The following ATG7 variants were observed in gnomAD, a reference collection of about 807,000 sequenced individuals.
ATG7 encodes autophagy related 7, also known as ubiquitin-like modifier-activating enzyme ATG7.
In ATG7, 70 loss-of-function variants were observed where a neutral mutation model predicts 82.4. The observed-to-expected ratio is 0.85, with a 90% CI of 0.70 to 1.04. The LOEUF is 1.04. Among genes scored for constraint, ATG7 ranks in the 50% least tolerant of loss-of-function variants. The pLI is 0.00. For missense variants in ATG7, 792 were observed against 864.3 expected (o/e 0.92, Z 1.05); for synonymous variants, 287 against 313.0 (o/e 0.92, Z 0.88).
chr3:11,565,964 C>T, the ATG7 span, among the ~76,000 whole-genome samples: 17 of 152,222 alleles, frequency 1.1e-4, no homozygotes, highest in African/African-American at 4.1e-4. The surrounding 1 kb of genome is among the most constrained non-coding windows in gnomAD (Gnocchi z 4.1). Context: ...AACCTTTTTC[C>T]GTAACTCATG....
At chr3:11,354,339 ATTT>A (rs2075776638) in intron 14 of ATG7, among the ~76,000 whole-genome samples, 1 of 152,130 alleles carries the variant, frequency 6.6e-6, no homozygotes, top group Non-Finnish European at 1.5e-5. Flanking sequence ...TCATATAGCT[ATTT>A]GAGGCAATAA....
intron 20 of ATG7, among the ~76,000 whole-genome samples, chr3:11,513,163 C>T (rs1266356323): frequency 6.6e-6 from 1 of 152,266 alleles, no homozygotes; most frequent in Non-Finnish European, 1.5e-5. Flanking sequence ...CCACCAGACT[C>T]AGGAGCCCAG....
intron 19 of ATG7, among the ~76,000 whole-genome samples, chr3:11,422,714 T>A (rs1483716151): frequency 6.8e-6 from 1 of 147,160 alleles, no homozygotes; most frequent in Non-Finnish European, 1.5e-5. Flanking sequence ...TGACATGCCT[T>A]CCTCACTATG....
At chr3:11,433,705 T>C (rs1172685624) in intron 20 of ATG7, among the ~76,000 whole-genome samples, 1 of 152,226 alleles carries the variant, frequency 6.6e-6, no homozygotes, top group Non-Finnish European at 1.5e-5. Context: ...TTCCTTGCCT[T>C]GACCATATTG....
At chr3:11,565,111 T>C in the ATG7 span, 11 of 1,226,444 alleles carry the variant, frequency 9.0e-6, no homozygotes, top group African/African-American at 1.3e-4. This position sits in a 1 kb window ranked among gnomAD's most constrained non-coding sequence, Gnocchi z 4.1. Flanking sequence ...GCTTATTTAA[T>C]TTTTTACCCT....
intron 5 of ATG7, among the ~76,000 whole-genome samples, chr3:11,303,667 C>G (rs1315824445): frequency 8.2e-5 from 12 of 147,136 alleles, no homozygotes; most frequent in Non-Finnish European, 1.8e-4. Context: ...GACTCCGTCT[C>G]TAAAAAAAAA....
Position 11,357,533 on chromosome 3 carries a change from G to C in ATG7, c.1285-885G>C, listed in dbSNP as rs559520239. ...TTAGCAAGTAGAGTTTTTTGTATTTGAGGTTTTTTAAAATGCATATACCCC... is the reference window on the plus strand; with the variant it reads ...TTAGCAAGTAGAGTTTTTTGTATTTCAGGTTTTTTAAAATGCATATACCCC... On this transcript the variant is annotated intron_variant, in intron 14 of 20. Coordinates refer to ENST00000693202, the MANE Select transcript of ATG7 (RefSeq NM_001349232.2). Among the ~76,000 whole-genome samples the C allele has an allele frequency of 4.6e-5, 7 of 152,226 alleles. No homozygotes were observed. The South Asian group carries it at 1.5e-3, about 32-fold the overall frequency.
At chr3:11,356,866 C>T (rs2075969034) in intron 14 of ATG7, among the ~76,000 whole-genome samples, 1 of 152,102 alleles carries the variant, frequency 6.6e-6, no homozygotes, top group African/African-American at 2.4e-5. Context: ...GTGTGCTGTG[C>T]TAGTCTCATT....
Position 11,497,361 on chromosome 3 carries a change from A to ATATATATG in ATG7, c.2080-57443_2080-57442insGTATATAT, listed in dbSNP as rs1287065693. ...ACCCCGTCTGTACTAAAAATACTAT[A>ATATATATG]TATATATATATATATATATATATAT... On this transcript the variant is annotated intron_variant, in intron 20 of 20. Coordinates refer to ENST00000693202, the MANE Select transcript of ATG7 (RefSeq NM_001349232.2). Among the ~76,000 whole-genome samples the ATATATATG allele has an allele frequency of 5.8e-3, 337 of 57,874 alleles. 6 individuals are homozygous for ATATATATG. The highest frequency in any genetic ancestry group is 0.015 in the South Asian group (29 of 1,934). 38.0% of individuals were successfully genotyped at this position (57,874 alleles called of 152,430 possible).
At chr3:11,274,248 G>A (rs1941202928) in intron 1 of ATG7, among the ~76,000 whole-genome samples, 1 of 152,096 alleles carries the variant, frequency 6.6e-6, no homozygotes, top group Admixed American at 6.6e-5. Flanking sequence ...CTGGCACTGC[G>A]CTGCAAGCTG....
chr3:11,396,134 T>C (rs1477505343), intron 19 of ATG7, among the ~76,000 whole-genome samples: 1 of 149,024 alleles, frequency 6.7e-6, no homozygotes, highest in Non-Finnish European at 1.5e-5. Context: ...AAAAAAAGTA[T>C]AGAAAGTGGT....
chr3:11,471,948 G>A (rs887008336), intron 20 of ATG7, among the ~76,000 whole-genome samples: 1 of 151,846 alleles, frequency 6.6e-6, no homozygotes, highest in Non-Finnish European at 1.5e-5. Context: ...ATGCTGGCCA[G>A]GCTGGTCTTG....
chr3:11,433,564 A>C (rs1176895358), intron 20 of ATG7, among the ~76,000 whole-genome samples: 1 of 152,212 alleles, frequency 6.6e-6, no homozygotes, highest in Non-Finnish European at 1.5e-5. Flanking sequence ...TAATAGAACA[A>C]GCTATATTGG....
rs750313785 is a variant in ATG7 at position 11,404,285 on chromosome 3, G to A, written c.1957-22519G>A. Among the ~76,000 whole-genome samples the A allele has an allele frequency of 3.3e-5, 5 of 151,600 alleles. 1 individual carries two copies. The highest frequency in any genetic ancestry group is 4.2e-4 in the South Asian group (2 of 4,798). On this transcript the variant is annotated intron_variant, in intron 19 of 20. Transcript: ENST00000693202. ...CGAGTAGCTGGGATTACAGGTGCTC[G>A]CCACCATGCCCGACTAATTTTTTTA...
At chr3:11,480,019 T>C (rs2443717) in intron 20 of ATG7, among the ~76,000 whole-genome samples, 128,229 of 151,876 alleles carry the variant, frequency 0.84, 54,323 homozygotes, top group East Asian at 1. Context: ...GTCCCGTCTC[T>C]GGGGTTCACG....
At chr3:11,474,611 AAAAG>A (rs1455843039) in intron 20 of ATG7, among the ~76,000 whole-genome samples, 1 of 152,200 alleles carries the variant, frequency 6.6e-6, no homozygotes, top group South Asian at 2.1e-4. Flanking sequence ...CCATCTCAAA[AAAAG>A]AAAGAAAGAA....
At position 11,372,474 on chromosome 3, in the gene ATG7, A is replaced by T. The variant is rs1451648569; in HGVS notation, c.1876-7498A>T. The stretch of plus-strand genomic sequence containing the variant: ...TTTAAAATCACCTTTTTCAAGACAT[A>T]ACTGATATATAGTAAAATGAACCCA... On this transcript the variant is annotated intron_variant, in intron 18 of 20. Transcript: ENST00000693202. Among the ~76,000 whole-genome samples, 7 of 150,740 alleles carry T rather than the reference A, an allele frequency of 4.6e-5. 2 individuals are homozygous for T. The highest frequency in any genetic ancestry group is 7.4e-5 in the Non-Finnish European group (5 of 67,738).
intron 19 of ATG7, among the ~76,000 whole-genome samples, chr3:11,384,014 TC>T (rs1314553936): frequency 1.3e-5 from 2 of 152,204 alleles, no homozygotes; most frequent in African/African-American, 4.8e-5. Flanking sequence ...TCCAGAAAGT[TC>T]CCAGGTACCC....
chr3:11,417,355 G>C (rs2081459263), intron 19 of ATG7, among the ~76,000 whole-genome samples: 1 of 152,140 alleles, frequency 6.6e-6, no homozygotes, highest in South Asian at 2.1e-4. Context: ...TTGATGCACT[G>C]TTGTTAAGTA....
Sources: allele counts gnomAD v4.1 joint callset (sites outside exome capture counted in the v4.1 genomes callset), GRCh38; gene constraint gnomAD v4.1.1; non-coding constraint Gnocchi (gnomAD v3.1); transcripts MANE v1.5; gene names NCBI Gene and HGNC (gene_info 2026-07-23, HGNC 2026-07-21).